NEGR1: variants seen among roughly 807,000 people sequenced by gnomAD.
NEGR1 encodes neuronal growth regulator 1.
NEGR1 carries 10 observed loss-of-function variants against 40.9 expected under a neutral mutation model. The observed-to-expected ratio is 0.24, with a 90% CI of 0.15 to 0.42. The LOEUF is 0.42. Among genes scored for constraint, NEGR1 ranks in the 10% least tolerant of loss-of-function variants. NEGR1 has a pLI of 1.00. For synonymous variants in NEGR1, 185 were observed against 166.8 expected (o/e 1.11, Z -0.84); for missense variants, 352 against 438.9 (o/e 0.80, Z 1.77).
At chr1:71,808,632 C>T (rs975961866) in intron 2 of NEGR1, among the ~76,000 whole-genome samples, 1 of 152,058 alleles carries the variant, frequency 6.6e-6, no homozygotes, top group African/African-American at 2.4e-5. Flanking sequence ...TTCACCTGCT[C>T]TGCAATCCAA....
chr1:71,654,949 T>G (rs1651833283), intron 4 of NEGR1, among the ~76,000 whole-genome samples: 1 of 152,192 alleles, frequency 6.6e-6, no homozygotes, highest in South Asian at 2.1e-4. Context: ...TGAGAGTCAC[T>G]GGTGAATTTG....
chr1:72,094,311 G>A (rs903959841), intron 1 of NEGR1, among the ~76,000 whole-genome samples: 18 of 152,120 alleles, frequency 1.2e-4, no homozygotes, highest in African/African-American at 4.3e-4. Context: ...AGAAATCTAA[G>A]ATCTCAAAGA....
Position 72,228,759 on chromosome 1 carries a change from C to T in NEGR1, c.176+53560G>A, listed in dbSNP as rs941256616. Among the ~76,000 whole-genome samples the T allele has an allele frequency of 2.6e-5, 4 of 152,022 alleles. No homozygotes were observed. The South Asian group carries it at 8.3e-4, about 31-fold the overall frequency. On this transcript the variant is annotated intron_variant, in intron 1 of 6. Transcript: ENST00000357731. Reference sequence around the variant, plus strand: ...GTGCTCATGTTTTCATTCAGCTGTACTTCTTTGAGGAAAATGAAAGTTAAA... The same window carrying T: ...GTGCTCATGTTTTCATTCAGCTGTATTTCTTTGAGGAAAATGAAAGTTAAA...
chr1:71,550,109 G>C (rs1248189670), intron 6 of NEGR1, among the ~76,000 whole-genome samples: 2 of 151,528 alleles, frequency 1.3e-5, no homozygotes, highest in Non-Finnish European at 3.0e-5. Flanking sequence ...CATTTCTACT[G>C]TCCAAGTCCA....
At chr1:71,584,861 C>T (rs531060604) in intron 6 of NEGR1, among the ~76,000 whole-genome samples, 20 of 152,228 alleles carry the variant, frequency 1.3e-4, no homozygotes, top group African/African-American at 2.9e-4. Context: ...ATAGTCACAA[C>T]GCCATATACT....
Position 71,520,797 on chromosome 1 carries a change from A to G in NEGR1, c.940+72020T>C, listed in dbSNP as rs183888818. 6.6e-5 allele frequency among the ~76,000 whole-genome samples: 10 copies of G among 152,160 alleles called. No individual in the cohort carries two copies. The East Asian group carries it at 1.9e-3, about 30-fold the overall frequency. On this transcript the variant is annotated intron_variant, in intron 6 of 6. Coordinates refer to ENST00000357731, the MANE Select transcript of NEGR1 (RefSeq NM_173808.3). ...GGCATGGCTGGGGCAGGGAAAGACA[A>G]TACAGGAGAGCAGATGGAGAAAATG...
At chr1:71,546,255 G>A (rs1647891956) in intron 6 of NEGR1, among the ~76,000 whole-genome samples, 1 of 151,652 alleles carries the variant, frequency 6.6e-6, no homozygotes, top group Admixed American at 6.6e-5. Context: ...AGGGTAAAAT[G>A]AAAATTTGAC....
At chr1:71,684,908 A>G (rs1377250008) in intron 4 of NEGR1, among the ~76,000 whole-genome samples, 3 of 152,222 alleles carry the variant, frequency 2.0e-5, no homozygotes, top group African/African-American at 7.2e-5. Flanking sequence ...ATTTAAAAAA[A>G]TATCTTTTAA....
intron 6 of NEGR1, among the ~76,000 whole-genome samples, chr1:71,410,037 C>T (rs923895528): frequency 5.3e-5 from 8 of 152,072 alleles, no homozygotes; most frequent in African/African-American, 1.7e-4. Flanking sequence ...TTCTTCCACT[C>T]AGCCTCCTAT....
At chr1:71,848,916 C>T (rs1659509900) in intron 2 of NEGR1, among the ~76,000 whole-genome samples, 1 of 151,988 alleles carries the variant, frequency 6.6e-6, no homozygotes, top group South Asian at 2.1e-4. Context: ...ATGGTGAACC[C>T]CCATCTCTAA....
chr1:71,823,203 A>ATTTT (rs35710660), intron 2 of NEGR1, among the ~76,000 whole-genome samples: 1 of 140,614 alleles, frequency 7.1e-6, no homozygotes. Context: ...TTTCTGCATC[A>ATTTT]TTTTTTTTTT....
intron 1 of NEGR1, among the ~76,000 whole-genome samples, chr1:72,137,422 A>G (rs2100327959): frequency 6.6e-6 from 1 of 152,322 alleles, no homozygotes; most frequent in South Asian, 2.1e-4. Context: ...GCCATAAAAA[A>G]GGATGAGTTT....
intron 1 of NEGR1, among the ~76,000 whole-genome samples, chr1:72,231,629 C>G (rs1226880872): frequency 6.6e-6 from 1 of 152,100 alleles, no homozygotes; most frequent in East Asian, 1.9e-4. Flanking sequence ...TCCCCAATGA[C>G]TTTGTAATGA....
chr1:72,269,169 T>C (rs1655758718), intron 1 of NEGR1, among the ~76,000 whole-genome samples: 2 of 151,718 alleles, frequency 1.3e-5, no homozygotes, highest in African/African-American at 4.8e-5. Flanking sequence ...ATTTTATTCA[T>C]TGATGGCAAT....
chr1:72,164,289 C>T (rs1461176208), intron 1 of NEGR1, among the ~76,000 whole-genome samples: 1 of 150,186 alleles, frequency 6.7e-6, no homozygotes, highest in Non-Finnish European at 1.5e-5. Context: ...GACTTGAAAA[C>T]TGTTTTTTTT....
chr1:71,962,231 G>T (rs1294738144), intron 1 of NEGR1, among the ~76,000 whole-genome samples: 1 of 151,936 alleles, frequency 6.6e-6, no homozygotes, highest in Non-Finnish European at 1.5e-5. Context: ...AACAATCGCA[G>T]GCATCATTTA....
intron 6 of NEGR1, among the ~76,000 whole-genome samples, chr1:71,497,098 G>A (rs1028107454): frequency 1.3e-5 from 2 of 152,132 alleles, no homozygotes; most frequent in African/African-American, 4.8e-5. Flanking sequence ...TGGGCCACGA[G>A]TTTATTAATA....
chr1:71,442,226 C>CTTTTT (rs35594326), intron 6 of NEGR1, among the ~76,000 whole-genome samples: 1 of 84,980 alleles, frequency 1.2e-5, no homozygotes, highest in Non-Finnish European at 2.2e-5. Context: ...GGTAGCATTC[C>CTTTTT]TTTTTTTTTT....
At chr1:71,864,155 T>C (rs1660043391) in intron 2 of NEGR1, among the ~76,000 whole-genome samples, 1 of 152,146 alleles carries the variant, frequency 6.6e-6, no homozygotes, top group African/African-American at 2.4e-5. Flanking sequence ...GGGGCCGTCT[T>C]AGGGAGAGGT....
Sources: gnomAD v4.1 joint callset for allele counts (sites outside exome capture counted in the v4.1 genomes callset) on GRCh38, gnomAD v4.1.1 for gene constraint, MANE v1.5 for transcripts, NCBI Gene and HGNC (gene_info 2026-07-23, HGNC 2026-07-21) for gene names.